The following ABCA12 variants were observed in gnomAD, a reference collection of about 807,000 sequenced individuals.
The protein encoded by ABCA12 is glucosylceramide transporter ABCA12.
A neutral mutation model predicts 293.5 loss-of-function variants in ABCA12; 156 were observed. That is an observed-to-expected ratio of 0.53 (90% CI 0.47 to 0.61). The LOEUF (loss-of-function observed/expected upper bound fraction) is 0.61. Ranked by LOEUF, ABCA12 falls within the 20% of genes least tolerant of loss-of-function variation. The pLI is 0.00. For missense variants in ABCA12, 2,797 were observed against 3,090.2 expected (o/e 0.91, Z 2.25); for synonymous variants, 1,063 against 1,108.0 (o/e 0.96, Z 0.81).
At chr2:214,955,416 T>A in intron 42 of ABCA12, 55 bp from the exon 43 acceptor site, 1 of 1,572,324 alleles carries the variant, frequency 6.4e-7, no homozygotes, top group Non-Finnish European at 8.7e-7. Context: ...GCATGGTGGC[T>A]CACACCTGTA....
At chr2:215,036,057 GT>G (rs1018688486) in intron 8 of ABCA12, among the ~76,000 whole-genome samples, 55 of 152,154 alleles carry the variant, frequency 3.6e-4, no homozygotes, top group African/African-American at 1.3e-3. Flanking sequence ...GAGTAATCCT[GT>G]TTTTCTAATG....
intron 49 of ABCA12, 35 bp from the exon 50 acceptor site, chr2:214,943,052 G>A (rs772271132): frequency 1.9e-6 from 3 of 1,573,616 alleles, no homozygotes; most frequent in South Asian, 1.1e-5. Context: ...TAGCATTCAG[G>A]ATACAGAAAA....
intron 6 of ABCA12, among the ~76,000 whole-genome samples, chr2:215,047,780 G>A (rs1355144800): frequency 6.6e-6 from 1 of 152,064 alleles, no homozygotes; most frequent in African/African-American, 2.4e-5. Flanking sequence ...TTATGACAAA[G>A]ATGCCAAAAG....
intron 1 of ABCA12, among the ~76,000 whole-genome samples, chr2:215,117,798 G>A (rs1702716398): frequency 6.6e-6 from 1 of 152,138 alleles, no homozygotes; most frequent in African/African-American, 2.4e-5. Context: ...ACTACTGTTT[G>A]GAGACTCTGT....
At chr2:214,956,840 C>A (rs1336225461) in intron 41 of ABCA12, 62 bp from the exon 42 acceptor site, 15 of 1,117,794 alleles carry the variant, frequency 1.3e-5, no homozygotes, top group Non-Finnish European at 1.8e-5. Flanking sequence ...AAAAAAAAAT[C>A]AATAACCCAT....
At position 215,134,642 on chromosome 2, in the gene ABCA12, C is replaced by G. The variant is rs1474806338; in HGVS notation, c.69+3498G>C. On this transcript the variant is annotated intron_variant, in intron 1 of 52. Coordinates refer to ENST00000272895, the MANE Select transcript of ABCA12 (RefSeq NM_173076.3). Reference sequence around the variant, plus strand: ...AGAGAGAGAGAGAGAGAGAGAGAGACAAACAGAGAGAGAGAGAGAGAGAGA... The same window carrying G: ...AGAGAGAGAGAGAGAGAGAGAGAGAGAAACAGAGAGAGAGAGAGAGAGAGA... Among the ~76,000 whole-genome samples, 27 of 104,758 alleles carry G rather than the reference C, an allele frequency of 2.6e-4. 1 individual carries two copies. The highest frequency in any genetic ancestry group is 1.3e-3 in the African/African-American group (22 of 17,260). The allele number at this position is 104,758 out of a possible 152,430, so 68.7% of individuals were successfully genotyped here. A position where few individuals can be genotyped will look rare whatever the true frequency, so the allele number is the denominator to read the frequency against.
rs866667913 is a variant in ABCA12, at chr2:215,050,255, T to C, written c.508-444A>G. Among the ~76,000 whole-genome samples, 27 of 152,162 alleles carry C rather than the reference T, an allele frequency of 1.8e-4. 1 individual carries two copies. The highest frequency in any genetic ancestry group is 5.5e-4 in the African/African-American group (23 of 41,460). On this transcript the variant is annotated intron_variant, in intron 5 of 52. Transcript: ENST00000272895. The stretch of plus-strand genomic sequence containing the variant: ...CCAACAGAAGGAGCTTCGAGGTCTA[T>C]TCCTAGGATGAACAGTGTTTATTTA...
intron 1 of ABCA12, among the ~76,000 whole-genome samples, chr2:215,137,665 A>G (rs954149227): frequency 6.6e-6 from 1 of 152,216 alleles, no homozygotes; most frequent in Non-Finnish European, 1.5e-5. Flanking sequence ...TAGCTTTTCT[A>G]TACTAATAGC....
At chr2:214,978,520 C>T in intron 32 of ABCA12, 54 bp from the exon 33 acceptor site, 1 of 1,579,796 alleles carries the variant, frequency 6.3e-7, no homozygotes, top group East Asian at 2.3e-5. Flanking sequence ...TGTCTTTTCT[C>T]ATTTCTAAGC....
intron 2 of ABCA12, chr2:215,082,904 A>G (rs1290890243): frequency 6.6e-6 from 1 of 152,236 alleles, no homozygotes. Context: ...CTTCATTCAC[A>G]TAACCATGGA....
At chr2:214,972,994 T>C (rs1321855054) in intron 36 of ABCA12, among the ~76,000 whole-genome samples, 1 of 151,994 alleles carries the variant, frequency 6.6e-6, no homozygotes, top group African/African-American at 2.4e-5. Flanking sequence ...TATTTTACTT[T>C]TTATATTTTT....
chr2:215,134,321 T>C (rs186039954), intron 1 of ABCA12, among the ~76,000 whole-genome samples: 361 of 137,644 alleles, frequency 2.6e-3, no homozygotes, highest in African/African-American at 9.1e-3. Flanking sequence ...TGTGTATATA[T>C]GTATATATGT....
chr2:214,950,787 G>A (rs1056177291), intron 45 of ABCA12, 92 bp downstream of exon 45: 12 of 1,379,652 alleles, frequency 8.7e-6, no homozygotes, highest in Non-Finnish European at 1.1e-5. Flanking sequence ...TTACAGGTGT[G>A]AGCCACTGTA....
Position 214,986,662 on chromosome 2 carries a change from A to G in ABCA12, c.4043T>C (p.Leu1348Pro). The change falls in exon 28 of 53, where the codon CTG becomes CCG. Residue 1348 changes from leucine (L) to proline (P), a missense_variant. By Grantham distance (98) the Leu-to-Pro change is moderately conservative (BLOSUM62 -3). Coordinates refer to ENST00000272895, the MANE Select transcript of ABCA12 (RefSeq NM_173076.3). ...GCCATAGATCTTTGTGACCCCATGC[A>G]GGGCAACCCCGACTGTGAGATCTTT... is the stretch of plus-strand genomic sequence containing the variant. ...EPKDLTVGVA[L>P]HGVTKIYGSK... The G allele has an allele frequency of 6.2e-7, 1 of 1,614,120 alleles. No homozygotes were observed. Among genetic ancestry groups the G allele is most frequent in the Non-Finnish European group, 8.5e-7 (1 of 1,179,986 alleles).
intron 50 of ABCA12, among the ~76,000 whole-genome samples, chr2:214,941,738 T>TAA (rs1423401113): frequency 6.6e-6 from 1 of 152,056 alleles, no homozygotes; most frequent in Non-Finnish European, 1.5e-5. Flanking sequence ...TTTGTTGGTT[T>TAA]AAAGTCTGTT....
chr2:214,947,327 T>C (rs1698614108), intron 48 of ABCA12, 95 bp downstream of exon 48: 2 of 1,559,562 alleles, frequency 1.3e-6, no homozygotes, highest in Non-Finnish European at 1.8e-6. Flanking sequence ...CCTCAATAAA[T>C]GTTGACTGCA....
chr2:215,096,280 A>G (rs927108252), intron 2 of ABCA12, among the ~76,000 whole-genome samples: 8 of 152,156 alleles, frequency 5.3e-5, no homozygotes, highest in African/African-American at 1.9e-4. Flanking sequence ...ATTATCCCCA[A>G]CTGAGGCACA....
At chr2:215,072,633 C>T (rs1005382560) in intron 2 of ABCA12, among the ~76,000 whole-genome samples, 10 of 152,210 alleles carry the variant, frequency 6.6e-5, no homozygotes, top group African/African-American at 2.4e-4. Context: ...TTCCAAAGAT[C>T]ATGGCCTGGT....
At chr2:215,127,614 G>A (rs1702955807) in intron 1 of ABCA12, among the ~76,000 whole-genome samples, 2 of 152,066 alleles carry the variant, frequency 1.3e-5, no homozygotes, top group Non-Finnish European at 2.9e-5. Context: ...AATAGGTACC[G>A]CTGCTTGCTT....
Sources: allele counts gnomAD v4.1 joint callset (sites outside exome capture counted in the v4.1 genomes callset), GRCh38; gene constraint gnomAD v4.1.1; transcripts MANE v1.5; gene names NCBI Gene and HGNC (gene_info 2026-07-23, HGNC 2026-07-21).